GRIK4: variants seen among roughly 807,000 people sequenced by gnomAD.
GRIK4 encodes the protein glutamate ionotropic receptor kainate type subunit 4, also known as glutamate receptor ionotropic, kainate 4.
GRIK4 carries 40 observed loss-of-function variants against 104.9 expected under a neutral mutation model. The ratio of observed to expected loss-of-function variants is 0.38; its 90% CI spans 0.30 to 0.50. The LOEUF (loss-of-function observed/expected upper bound fraction) is 0.50, where lower values mean the gene tolerates loss of function less well. Ranked by LOEUF, GRIK4 falls within the 20% of genes least tolerant of loss-of-function variation. GRIK4 has a pLI of 0.93. For missense variants in GRIK4, 1,047 were observed against 1,308.1 expected (o/e 0.80, Z 3.08); for synonymous variants, 485 against 524.9 (o/e 0.92, Z 1.04).
chr11:120,860,221 T>C (rs911946610), intron 8 of GRIK4, among the ~76,000 whole-genome samples: 10 of 152,144 alleles, frequency 6.6e-5, no homozygotes, highest in African/African-American at 2.4e-4. Flanking sequence ...ATGAAATGAA[T>C]GTGATTTTTG....
intron 8 of GRIK4, among the ~76,000 whole-genome samples, chr11:120,843,347 G>A (rs538367103): frequency 1.3e-5 from 2 of 152,320 alleles, no homozygotes; most frequent in African/African-American, 4.8e-5. Flanking sequence ...TTTCTTTTGG[G>A]GAATCTAGAG....
chr11:120,531,603 T>C (rs1350525317), intron 1 of GRIK4, among the ~76,000 whole-genome samples: 2 of 151,314 alleles, frequency 1.3e-5, no homozygotes, highest in Admixed American at 6.6e-5. Flanking sequence ...TGAGACTGAG[T>C]CTTGCTCTGT....
chr11:120,635,155 C>T (rs1009252840), intron 1 of GRIK4, among the ~76,000 whole-genome samples: 1 of 152,170 alleles, frequency 6.6e-6, no homozygotes, highest in Non-Finnish European at 1.5e-5. Flanking sequence ...TCCTTCTCTG[C>T]CTGCCATGAA....
chr11:120,710,335 G>T (rs1356516422), intron 3 of GRIK4, among the ~76,000 whole-genome samples: 1 of 152,138 alleles, frequency 6.6e-6, no homozygotes, highest in East Asian at 1.9e-4. Context: ...CCGAGTCACC[G>T]GGAGGTTAGG....
intron 8 of GRIK4, among the ~76,000 whole-genome samples, chr11:120,844,177 A>G (rs1343504408): frequency 1.3e-5 from 2 of 152,146 alleles, no homozygotes; most frequent in African/African-American, 4.8e-5. Flanking sequence ...AATTGATTCC[A>G]GGAGGAAATG....
At chr11:120,740,283 C>T (rs989311074) in intron 3 of GRIK4, among the ~76,000 whole-genome samples, 3 of 152,186 alleles carry the variant, frequency 2.0e-5, no homozygotes, top group Non-Finnish European at 2.9e-5. Flanking sequence ...AGTCATATGC[C>T]GGCCATGCAC....
chr11:120,591,003 G>T (rs1948726179), intron 1 of GRIK4, among the ~76,000 whole-genome samples: 1 of 152,124 alleles, frequency 6.6e-6, no homozygotes. Flanking sequence ...TTGCCAAGAG[G>T]TGTTATGTTT....
At chr11:120,954,958 A>G (rs1336251850) in intron 15 of GRIK4, among the ~76,000 whole-genome samples, 1 of 152,208 alleles carries the variant, frequency 6.6e-6, no homozygotes, top group African/African-American at 2.4e-5. Context: ...CTGGGCAGCC[A>G]GAGCCCTGGG....
chr11:120,793,190 T>C (rs1043735045), intron 3 of GRIK4, among the ~76,000 whole-genome samples: 1 of 151,558 alleles, frequency 6.6e-6, no homozygotes, highest in Non-Finnish European at 1.5e-5. Context: ...TTGGGTGGAG[T>C]GGTGGGGACG....
At chr11:120,792,642 G>T (rs1952423181) in intron 3 of GRIK4, among the ~76,000 whole-genome samples, 1 of 152,140 alleles carries the variant, frequency 6.6e-6, no homozygotes, top group Non-Finnish European at 1.5e-5. Flanking sequence ...AAAGCAATTG[G>T]AGACTGGTTA....
intron 3 of GRIK4, among the ~76,000 whole-genome samples, chr11:120,676,247 A>G (rs1190432633): frequency 6.6e-6 from 1 of 152,172 alleles, no homozygotes; most frequent in Non-Finnish European, 1.5e-5. Flanking sequence ...AGGTTCTCCA[A>G]TCTTAAGGAC....
chr11:120,794,355 G>A (rs750246894), intron 3 of GRIK4, among the ~76,000 whole-genome samples: 2 of 151,970 alleles, frequency 1.3e-5, no homozygotes, highest in Non-Finnish European at 2.9e-5. Flanking sequence ...GGTAAGGGTG[G>A]TGTTAGGAAT....
chr11:120,716,764 G>A (rs1471373167), intron 3 of GRIK4, among the ~76,000 whole-genome samples: 1 of 152,112 alleles, frequency 6.6e-6, no homozygotes, highest in Non-Finnish European at 1.5e-5. Flanking sequence ...AGAGAAGAAG[G>A]AATTCTTCTC....
rs915166529 is a variant in GRIK4 at position 120,956,704 on chromosome 11, C to A, written c.1701-76C>A. On this transcript the variant is annotated intron_variant, in intron 15 of 20. Coordinates refer to ENST00000527524, the MANE Select transcript of GRIK4 (RefSeq NM_014619.5). This position sits in a 1 kb window ranked among gnomAD's most constrained non-coding sequence, Gnocchi z 4.6. ...CCACAGGCCGGTCTCAGAGGTGAGACCAGCCAGGAGAGCCTGCCTGTGTCC... is the reference window on the plus strand; with the variant it reads ...CCACAGGCCGGTCTCAGAGGTGAGAACAGCCAGGAGAGCCTGCCTGTGTCC... 1.4e-5 allele frequency: 16 copies of A among 1,159,784 alleles called. No homozygotes were observed. Among genetic ancestry groups the A allele is most frequent in the Admixed American group, 1.3e-4 (5 of 38,974 alleles). The allele number at this position is 1,159,784 out of a possible 1,614,324, so 71.8% of individuals were successfully genotyped here.
At chr11:120,781,252 T>C (rs907284612) in intron 3 of GRIK4, among the ~76,000 whole-genome samples, 7 of 152,114 alleles carry the variant, frequency 4.6e-5, no homozygotes, top group Non-Finnish European at 1.0e-4. Flanking sequence ...GTATTAGTCA[T>C]TTATACAAGT....
chr11:120,562,814 A>T (rs1948256052), intron 1 of GRIK4, among the ~76,000 whole-genome samples: 1 of 152,172 alleles, frequency 6.6e-6, no homozygotes, highest in Non-Finnish European at 1.5e-5. Context: ...ACTTTCTAGA[A>T]GGTAGAACCC....
intron 1 of GRIK4, among the ~76,000 whole-genome samples, chr11:120,602,153 C>T (rs904069012): frequency 2.0e-5 from 3 of 152,168 alleles, no homozygotes; most frequent in African/African-American, 7.2e-5. Flanking sequence ...TCAGGAAGCC[C>T]CTGGGAGCCA....
chr11:120,944,292 C>G (rs190599441), intron 14 of GRIK4, among the ~76,000 whole-genome samples: 1 of 151,120 alleles, frequency 6.6e-6, no homozygotes, highest in East Asian at 2.0e-4. Context: ...TCTACCAACT[C>G]TCCCTGGATA....
chr11:120,625,581 T>G (rs1949248305), intron 1 of GRIK4, among the ~76,000 whole-genome samples: 1 of 152,000 alleles, frequency 6.6e-6, no homozygotes, highest in Non-Finnish European at 1.5e-5. Flanking sequence ...TCTCTGGATC[T>G]TTCTGTCTCT....
Sources: allele counts gnomAD v4.1 joint callset (sites outside exome capture counted in the v4.1 genomes callset), GRCh38; gene constraint gnomAD v4.1.1; non-coding constraint Gnocchi (gnomAD v3.1); transcripts MANE v1.5; gene names NCBI Gene and HGNC (gene_info 2026-07-23, HGNC 2026-07-21).